MEGF11: variants seen among roughly 807,000 people sequenced by gnomAD.
MEGF11 encodes multiple EGF like domains 11, also known as multiple epidermal growth factor-like domains protein 11.
A neutral mutation model predicts 146.6 loss-of-function variants in MEGF11; 126 were observed. The ratio of observed to expected loss-of-function variants is 0.86; its 90% confidence interval spans 0.74 to 1.00. The LOEUF (loss-of-function observed/expected upper bound fraction) is 1.00. Among genes scored for constraint, MEGF11 ranks in the 50% least tolerant of loss-of-function variants. The pLI, the probability that MEGF11 is intolerant of heterozygous loss-of-function variation, is 0.00. For missense variants in MEGF11, 1,509 were observed against 1,521.2 expected (o/e 0.99, Z 0.13); for synonymous variants, 532 against 583.4 (o/e 0.91, Z 1.27).
At chr15:65,900,892 C>G (rs990796079) in intron 24 of MEGF11, among the ~76,000 whole-genome samples, 1 of 152,216 alleles carries the variant, frequency 6.6e-6, no homozygotes, top group African/African-American at 2.4e-5. Context: ...CCAGCAAGGC[C>G]TAAAGGGAGG....
intron 5 of MEGF11, among the ~76,000 whole-genome samples, chr15:66,038,972 G>C (rs906713411): frequency 6.6e-6 from 1 of 152,174 alleles, no homozygotes; most frequent in Non-Finnish European, 1.5e-5. Flanking sequence ...GTGCAGTCTA[G>C]GGAATGGTTC....
intron 5 of MEGF11, among the ~76,000 whole-genome samples, chr15:65,995,500 A>T (rs1642289995): frequency 1.3e-5 from 2 of 152,294 alleles, no homozygotes; most frequent in South Asian, 4.1e-4. Flanking sequence ...GTTTACTCTC[A>T]ATTTCTTACT....
intron 1 of MEGF11, among the ~76,000 whole-genome samples, chr15:66,176,785 G>A (rs766390575): frequency 3.9e-5 from 6 of 152,226 alleles, no homozygotes; most frequent in South Asian, 2.1e-4. Context: ...TTAGGATGAA[G>A]CTGGGCCAGA....
chr15:66,211,352 T>C (rs185851588), intron 1 of MEGF11, among the ~76,000 whole-genome samples: 87 of 151,916 alleles, frequency 5.7e-4, no homozygotes, highest in Admixed American at 3.4e-3. Flanking sequence ...TGAAACCCCG[T>C]CTCTACTAAA....
chr15:66,119,178 T>C lies in MEGF11; in HGVS notation c.209A>G (p.Tyr70Cys), dbSNP rs534595288. 11 of 1,550,852 alleles carry C rather than the reference T, an allele frequency of 7.1e-6. No individual in the cohort carries two copies. In the South Asian group the frequency reaches 1.3e-4, roughly 18 times the overall value. ...GAGGCCTCTCCGATACGCCGTCTTA[T>C]AACTGATCCTAAGGCACAAGGGAGA... is the stretch of plus-strand genomic sequence containing the variant. ...WFKCTRHRIS[Y>C]KTAYRRGLRT... Residue 70 changes from tyrosine to cysteine, a missense_variant, in exon 4 of 26, where the codon TAT (tyrosine) becomes TGT (cysteine). Tyr to Cys is a radical substitution (Grantham distance 194). Transcript: ENST00000395614.
intron 20 of MEGF11, among the ~76,000 whole-genome samples, chr15:65,912,924 C>T (rs1373431888): frequency 2.0e-5 from 3 of 152,180 alleles, no homozygotes; most frequent in Non-Finnish European, 2.9e-5. Context: ...CCATGAGCCA[C>T]GTGCCATGGA....
chr15:66,058,283 A>C (rs1003539409), intron 5 of MEGF11, among the ~76,000 whole-genome samples: 1 of 152,184 alleles, frequency 6.6e-6, no homozygotes, highest in Non-Finnish European at 1.5e-5. Flanking sequence ...GCGGAAGGCA[A>C]ATGCAACTTT....
rs144892854 is a variant in MEGF11 at position 66,008,345 on chromosome 15, C to T, written c.395-25857G>A. On this transcript the variant is annotated intron_variant, in intron 5 of 25. Transcript: ENST00000395614. ...AGGGGAAAACCATCAATTTTCCCAG[C>T]GTCACTTGAGCACTGTGCTAAGTAC... Among the ~76,000 whole-genome samples, 378 of 151,560 alleles carry T rather than the reference C, an allele frequency of 2.5e-3. 1 individual carries two copies. The highest frequency in any genetic ancestry group is 8.7e-3 in the African/African-American group (358 of 41,282).
At chr15:65,951,500 A>G (rs1596893008) in intron 10 of MEGF11, among the ~76,000 whole-genome samples, 2 of 152,320 alleles carry the variant, frequency 1.3e-5, no homozygotes, top group East Asian at 3.9e-4. Flanking sequence ...CAGCCTGGCC[A>G]ACATGGTGAA....
chr15:66,012,887 G>T (rs774564839), intron 5 of MEGF11, among the ~76,000 whole-genome samples: 8 of 152,250 alleles, frequency 5.3e-5, no homozygotes, highest in Non-Finnish European at 1.0e-4. Context: ...TGATGGGCCA[G>T]CCCCCGCACA....
intron 5 of MEGF11, among the ~76,000 whole-genome samples, chr15:66,071,031 G>A (rs996189195): frequency 8.5e-5 from 13 of 152,060 alleles, no homozygotes; most frequent in African/African-American, 2.9e-4. Context: ...GTGGCACTTA[G>A]AGACTGCGTT....
chr15:66,013,846 G>C (rs2082791664), intron 5 of MEGF11, among the ~76,000 whole-genome samples: 1 of 152,246 alleles, frequency 6.6e-6, no homozygotes, highest in Admixed American at 6.5e-5. Context: ...GTTGGATACA[G>C]GCTGACTTAG....
At chr15:66,166,060 G>A (rs766550391) in intron 1 of MEGF11, among the ~76,000 whole-genome samples, 10 of 152,126 alleles carry the variant, frequency 6.6e-5, no homozygotes, top group Admixed American at 3.3e-4. Context: ...GTCATCAGAC[G>A]GTGCCCATAG....
chr15:66,137,559 CTTTT>C (rs10647289), intron 1 of MEGF11, among the ~76,000 whole-genome samples: 1 of 142,150 alleles, frequency 7.0e-6, no homozygotes. Context: ...GACTTTCTTT[CTTTT>C]TTTTTTTTTT....
At chr15:66,240,142 G>A (rs1371461068) in intron 1 of MEGF11, among the ~76,000 whole-genome samples, 1 of 152,192 alleles carries the variant, frequency 6.6e-6, no homozygotes, top group East Asian at 1.9e-4. Flanking sequence ...CTCAAGCTCT[G>A]TTTTCTGGGG....
intron 5 of MEGF11, among the ~76,000 whole-genome samples, chr15:65,993,296 T>C (rs1272906837): frequency 1.3e-5 from 2 of 152,206 alleles, no homozygotes; most frequent in African/African-American, 4.8e-5. Context: ...TGCAGTGGGC[T>C]GTCCCACAGG....
chr15:65,965,282 G>T (rs2081027542), intron 8 of MEGF11, 162 bp from the exon 9 acceptor site: 1 of 583,566 alleles, frequency 1.7e-6, no homozygotes, highest in South Asian at 2.4e-5. Context: ...CCAGGAAGTA[G>T]TCCATGGTTT....
chr15:65,942,974 CT>C (rs58874869), intron 10 of MEGF11, among the ~76,000 whole-genome samples: 5,939 of 45,882 alleles, frequency 0.13, 375 homozygotes, highest in Non-Finnish European at 0.14. Flanking sequence ...AACAACTTGG[CT>C]TTTTTTTTTT....
chr15:66,204,431 A>T (rs2091248089), intron 1 of MEGF11, among the ~76,000 whole-genome samples: 1 of 152,142 alleles, frequency 6.6e-6, no homozygotes, highest in Non-Finnish European at 1.5e-5. Context: ...AAGAAAAAGA[A>T]AAAAAAGAAG....
Sources: allele counts gnomAD v4.1 joint callset (sites outside exome capture counted in the v4.1 genomes callset), GRCh38; gene constraint gnomAD v4.1.1; transcripts MANE v1.5; gene names NCBI Gene and HGNC (gene_info 2026-07-23, HGNC 2026-07-21).